MYH3: variants seen among roughly 807,000 people sequenced by gnomAD.
MYH3 encodes myosin heavy chain 3, also known as myosin-3.
In MYH3, 130 loss-of-function variants were observed where a neutral mutation model predicts 238.0. That is an observed-to-expected ratio of 0.55 (90% confidence interval 0.47 to 0.63). MYH3 has a LOEUF of 0.63. Ranked by LOEUF, MYH3 falls within the 30% of genes least tolerant of loss-of-function variation. The pLI is 0.00. For synonymous variants in MYH3, 880 were observed against 924.1 expected (o/e 0.95, Z 0.86); for missense variants, 1,853 against 2,374.9 (o/e 0.78, Z 4.57).
At chr17:10,672,174 A>T in the MYH3 span, among the ~76,000 whole-genome samples, 803 of 152,334 alleles carry the variant, frequency 5.3e-3, 5 homozygotes, top group African/African-American at 0.018. Context: ...ACACAGACTA[A>T]GAACCTAACT....
chr17:10,663,871 T>C, the MYH3 span, among the ~76,000 whole-genome samples: 2 of 152,010 alleles, frequency 1.3e-5, no homozygotes, highest in South Asian at 4.2e-4. Context: ...GAGACCAGCG[T>C]GACCAACATG....
chr17:10,652,529 A>G lies in MYH3; in HGVS notation c.239T>C (p.Met80Thr). ...GATCCTGTCGAACTTGGGGGGGTTC[A>G]TGGCGTACACATCCTCTGGTTTGAC... ...LVVKPEDVYA[M>T]NPPKFDRIED... The change falls in exon 4 of 41, where the codon ATG becomes ACG. Residue 80 changes from methionine (M) to threonine (T), a missense_variant. Physicochemically the swap from Met to Thr is moderately conservative, Grantham distance 81. Around this residue, in one of 3 missense-constraint regions of MYH3, gnomAD observed 131 missense variants for 123.5 expected, o/e 1.06. Coordinates refer to ENST00000583535, the MANE Select transcript of MYH3 (RefSeq NM_002470.4). The G allele has an allele frequency of 6.3e-7, 1 of 1,597,984 alleles. No individual in the cohort carries two copies. The highest frequency in any genetic ancestry group is 8.5e-7 in the Non-Finnish European group (1 of 1,170,870).
At chr17:10,652,328 A>T in intron 4 of MYH3, 92 bp downstream of exon 4, 1 of 1,494,378 alleles carries the variant, frequency 6.7e-7, no homozygotes, top group Non-Finnish European at 9.2e-7. Context: ...CTCATCTTCC[A>T]GAATCCCACG....
chr17:10,652,075 A>C, intron 4 of MYH3: 1 of 400,772 alleles, frequency 2.5e-6, no homozygotes, highest in Non-Finnish European at 4.7e-6. Context: ...TTTGGGATAA[A>C]CTTATAAAGG....
At chr17:10,633,931 G>A in intron 32 of MYH3, 86 bp downstream of exon 32, 1 of 1,548,644 alleles carries the variant, frequency 6.5e-7, no homozygotes, top group African/African-American at 1.4e-5. Flanking sequence ...GCAGGAAACT[G>A]AGTGATGAAG....
At position 10,638,450 on chromosome 17, in the gene MYH3, T is replaced by C; in HGVS notation, c.3340-18A>G. On this transcript the variant is annotated intron_variant, in intron 26 of 40. Transcript: ENST00000583535. ...ATTCGAGCCTGTGGAGGGCAGCCGTTCACCCCGTGGGCAGTGGGTTCACCG... is the reference window on the plus strand; with the variant it reads ...ATTCGAGCCTGTGGAGGGCAGCCGTCCACCCCGTGGGCAGTGGGTTCACCG... The C allele has an allele frequency of 6.3e-7, 1 of 1,599,604 alleles. No individual in the cohort carries two copies.
chr17:10,649,518 T>G, intron 7 of MYH3, 59 bp downstream of exon 7: 36 of 1,369,144 alleles, frequency 2.6e-5, no homozygotes, highest in Non-Finnish European at 3.4e-5. Context: ...CCCCTCATTC[T>G]GAGGTTAAGA....
At chr17:10,655,217 C>T in intron 2 of MYH3, 145 bp from the exon 3 acceptor site, 2 of 706,968 alleles carry the variant, frequency 2.8e-6, no homozygotes, top group Non-Finnish European at 5.1e-6. Flanking sequence ...TGTCCTCATG[C>T]CTTGAGAAGC....
rs60940173 is a variant in MYH3 at position 10,639,936 on chromosome 17, C to T, written c.2682+60G>A. The stretch of plus-strand genomic sequence containing the variant: ...AATCCCCACCAATAACTCAATTTTT[C>T]TAAATAAATAATCAAATCTAGAAGA... On this transcript the variant is annotated intron_variant, in intron 22 of 40. Transcript: ENST00000583535. The T allele has an allele frequency of 0.041, 65,576 of 1,590,332 alleles. 1,839 individuals carry two copies. Among genetic ancestry groups the T allele is most frequent in the African/African-American group, 0.13 (9,373 of 72,770 alleles).
rs2074161478 is a variant in MYH3 at position 10,631,804 on chromosome 17, T to A, written c.5160+9A>T. On this transcript the variant is annotated intron_variant, in intron 35 of 40. Transcript: ENST00000583535. ...GGAACCTCGCCTCTCTTCCTCTCCC[T>A]CCCCTCACCTGGGTATGCAGCAGCT... The A allele has an allele frequency of 6.2e-7, 1 of 1,613,872 alleles. No homozygotes were observed. The highest frequency in any genetic ancestry group is 1.7e-5 in the Admixed American group (1 of 59,976).
intron 34 of MYH3, 91 bp downstream of exon 34, chr17:10,632,385 C>T: frequency 6.9e-7 from 1 of 1,439,784 alleles, no homozygotes; most frequent in East Asian, 2.3e-5. Context: ...TCCCAGAGCG[C>T]TGGGACTACA....
At chr17:10,660,428 C>A (rs1597497917), upstream of MYH3, among the ~76,000 whole-genome samples, 1 of 152,274 alleles carries the variant, frequency 6.6e-6, no homozygotes, top group South Asian at 2.1e-4. Flanking sequence ...GTAATCCCAG[C>A]ACTTTGGGAG....
At chr17:10,653,293 C>G (rs1296982820) in intron 3 of MYH3, among the ~76,000 whole-genome samples, 2 of 152,082 alleles carry the variant, frequency 1.3e-5, no homozygotes, top group Non-Finnish European at 2.9e-5. Context: ...ACGCATATGT[C>G]CCCTGCAGTC....
the MYH3 span, among the ~76,000 whole-genome samples, chr17:10,662,623 TC>T: frequency 6.6e-6 from 1 of 152,194 alleles, no homozygotes; most frequent in African/African-American, 2.4e-5. Context: ...CTTAGGCAGT[TC>T]GCATGTAAAT....
intron 31 of MYH3, among the ~76,000 whole-genome samples, chr17:10,634,450 AG>A (rs1431162056): frequency 6.6e-6 from 1 of 152,232 alleles, no homozygotes; most frequent in South Asian, 2.1e-4. Context: ...TAATATAAAA[AG>A]GGCCCTGTAC....
intron 10 of MYH3, among the ~76,000 whole-genome samples, chr17:10,646,298 A>G (rs561733096): frequency 1.3e-5 from 2 of 152,326 alleles, no homozygotes; most frequent in East Asian, 3.9e-4. Context: ...CTAATGGTGC[A>G]TATCAGTGTC....
In MYH3 at chr17:10,639,152, A is replaced by G; in HGVS notation, c.3140T>C (p.Val1047Ala). The G allele has an allele frequency of 1.2e-6, 2 of 1,614,070 alleles. No homozygotes were observed. Among genetic ancestry groups the G allele is most frequent in the South Asian group, 1.1e-5 (1 of 91,080 alleles). The change falls in exon 25 of 41, where the codon GTA (valine) becomes GCA (alanine). Residue 1047 changes from valine (V) to alanine (A), a missense_variant. Physicochemically the swap from Val to Ala is moderately conservative, Grantham distance 64 (BLOSUM62 0). Around this residue, in one of 3 missense-constraint regions of MYH3, gnomAD observed 1,044 missense variants for 1,192.6 expected, o/e 0.88. Coordinates refer to ENST00000583535, the MANE Select transcript of MYH3 (RefSeq NM_002470.4). ...SSLEQEKKLR[V>A]DLERNKRKLE... is the part of the protein sequence containing the mutation. ...TTTCCTTTTGTTCCTTTCCAGGTCT[A>G]CTCGGAGCTTCTTTTCTTGTTCTAG... is the stretch of plus-strand genomic sequence containing the variant.
the MYH3 span, among the ~76,000 whole-genome samples, chr17:10,669,068 A>G: frequency 1.3e-5 from 2 of 152,266 alleles, no homozygotes; most frequent in East Asian, 3.9e-4. Context: ...TGGGGAAACT[A>G]TGACTCAGTG....
chr17:10,642,203 A>G lies in MYH3; in HGVS notation c.1959+37T>C, dbSNP rs750345392. 27 of 1,575,048 alleles carry G rather than the reference A, an allele frequency of 1.7e-5. No homozygotes were observed. The highest frequency in any genetic ancestry group is 9.0e-5 in the South Asian group (8 of 89,104). On this transcript the variant is annotated intron_variant, in intron 17 of 40. Coordinates refer to ENST00000583535, the MANE Select transcript of MYH3 (RefSeq NM_002470.4). The surrounding 1 kb of genome is among the most constrained non-coding windows in gnomAD (Gnocchi z 5.4). ...GCATTGCTCATTTAGATGTCACTTAAATCAATTATAAGCAAATAAACTTGT... is the reference window on the plus strand; with the variant it reads ...GCATTGCTCATTTAGATGTCACTTAGATCAATTATAAGCAAATAAACTTGT...
Sources: gnomAD v4.1 joint callset for allele counts (sites outside exome capture counted in the v4.1 genomes callset) on GRCh38, gnomAD v4.1.1 for gene constraint, gnomAD v4.1.1 regional missense constraint, Gnocchi (gnomAD v3.1) non-coding constraint, MANE v1.5 for transcripts, NCBI Gene and HGNC (gene_info 2026-07-23, HGNC 2026-07-21) for gene names.